The following EPM2A variants were observed in gnomAD, a reference collection of about 807,000 sequenced individuals.
EPM2A encodes the protein laforin.
EPM2A carries 21 observed loss-of-function variants against 26.5 expected under a neutral mutation model. The ratio of observed to expected loss-of-function variants is 0.79; its 90% CI spans 0.56 to 1.14. EPM2A has a LOEUF of 1.14. Among genes scored for constraint, EPM2A ranks in the 50% most tolerant of loss-of-function variants. The pLI is 0.00. For missense variants in EPM2A, 458 were observed against 440.8 expected (o/e 1.04, Z -0.35); for synonymous variants, 217 against 177.6 (o/e 1.22, Z -1.76).
At chr6:145,673,616 A>T (rs1779810277) in intron 2 of EPM2A, among the ~76,000 whole-genome samples, 1 of 152,190 alleles carries the variant, frequency 6.6e-6, no homozygotes, top group African/African-American at 2.4e-5. Flanking sequence ...GCAAACCATG[A>T]GATTCTCTCC....
intron 2 of EPM2A, among the ~76,000 whole-genome samples, chr6:145,541,593 C>A (rs2114794905): frequency 6.6e-6 from 1 of 152,104 alleles, no homozygotes; most frequent in African/African-American, 2.4e-5. Flanking sequence ...GTCAAGAATT[C>A]CTGAATTTTC....
intron 2 of EPM2A, among the ~76,000 whole-genome samples, chr6:145,643,794 T>C (rs1777256925): frequency 6.6e-6 from 1 of 151,974 alleles, no homozygotes; most frequent in African/African-American, 2.4e-5. Context: ...ATTCCTGGGA[T>C]AAAAAGGGAT....
chr6:145,566,291 T>C (rs561448265), intron 2 of EPM2A, among the ~76,000 whole-genome samples: 5 of 152,336 alleles, frequency 3.3e-5, no homozygotes, highest in African/African-American at 1.2e-4. Flanking sequence ...AAGCCTCTTC[T>C]ATCATTAATA....
intron 1 of EPM2A, among the ~76,000 whole-genome samples, chr6:145,724,820 G>A (rs1048692693): frequency 2.0e-5 from 3 of 151,968 alleles, no homozygotes; most frequent in African/African-American, 7.2e-5. Context: ...CCTAGCCACA[G>A]ACCTTATATA....
At chr6:145,514,504 T>A (rs978372438) in intron 2 of EPM2A, among the ~76,000 whole-genome samples, 1 of 152,164 alleles carries the variant, frequency 6.6e-6, no homozygotes, top group East Asian at 1.9e-4. Context: ...TACTAAAAAC[T>A]GTGGATTCAG....
intron 1 of EPM2A, among the ~76,000 whole-genome samples, chr6:145,719,293 T>TA (rs1462670312): frequency 1.3e-5 from 2 of 149,462 alleles, no homozygotes; most frequent in East Asian, 1.9e-4. Context: ...TATGCAGCCA[T>TA]AAAAAATGAT....
intron 2 of EPM2A, among the ~76,000 whole-genome samples, chr6:145,562,069 AT>A (rs1780813054): frequency 6.6e-6 from 1 of 151,682 alleles, no homozygotes; most frequent in South Asian, 2.1e-4. Flanking sequence ...TTTCCAAAAA[AT>A]ATACATTTTT....
chr6:145,413,928 G>C (rs1323865462), intron 4 of EPM2A, among the ~76,000 whole-genome samples: 1 of 152,140 alleles, frequency 6.6e-6, no homozygotes, highest in Non-Finnish European at 1.5e-5. Context: ...CTTGTACTTG[G>C]CCTCTTCCCC....
chr6:145,400,596 CT>C (rs1325697580), intron 4 of EPM2A, among the ~76,000 whole-genome samples: 5 of 151,588 alleles, frequency 3.3e-5, no homozygotes, highest in Non-Finnish European at 5.9e-5. Context: ...TACTGAGTGC[CT>C]TTGTGTCCTC....
intron 2 of EPM2A, among the ~76,000 whole-genome samples, chr6:145,579,607 C>CT (rs1781084962): frequency 6.6e-6 from 1 of 152,024 alleles, no homozygotes; most frequent in Non-Finnish European, 1.5e-5. Flanking sequence ...TTAAAAGTGC[C>CT]TTTTTTATAG....
chr6:145,402,914 A>G (rs1778509979), intron 4 of EPM2A, among the ~76,000 whole-genome samples: 1 of 152,184 alleles, frequency 6.6e-6, no homozygotes, highest in Admixed American at 6.6e-5. Context: ...TTCTAAGGAT[A>G]TGTGCATTTG....
At chr6:145,542,695 T>C (rs759199454) in intron 2 of EPM2A, among the ~76,000 whole-genome samples, 2 of 152,190 alleles carry the variant, frequency 1.3e-5, no homozygotes, top group Non-Finnish European at 2.9e-5. Context: ...CTTTAGTCTA[T>C]GATACTTGGC....
At chr6:145,458,709 TA>T (rs1779293021) in intron 4 of EPM2A, among the ~76,000 whole-genome samples, 1 of 152,094 alleles carries the variant, frequency 6.6e-6, no homozygotes, top group South Asian at 2.1e-4. Flanking sequence ...AGCACCTGTT[TA>T]CATGTATATG....
At position 145,636,903 on chromosome 6, in the gene EPM2A, G is replaced by T. The variant is rs1351514697; in HGVS notation, c.477-1417C>A. On this transcript the variant is annotated intron_variant, in intron 2 of 3. Transcript: ENST00000367519. ...CACACCACTGCACTCCAGCCTGGGC[G>T]ATGGGGCAAGAACCTGTCTGAAAAA... is the stretch of plus-strand genomic sequence containing the variant. The T allele has an allele frequency of 2.7e-5, 4 of 147,058 alleles. No individual in the cohort carries two copies. The East Asian group carries it at 7.9e-4, about 29-fold the overall frequency. 9.1% of individuals were successfully genotyped at this position (147,058 alleles called of 1,614,324 possible).
At chr6:145,394,804 G>A (rs1778383559) in intron 4 of EPM2A, among the ~76,000 whole-genome samples, 1 of 152,092 alleles carries the variant, frequency 6.6e-6, no homozygotes, top group South Asian at 2.1e-4. Context: ...TCATGTGAAA[G>A]GGCCAATCGT....
At chr6:145,650,906 T>C (rs2128578044) in intron 2 of EPM2A, among the ~76,000 whole-genome samples, 1 of 152,332 alleles carries the variant, frequency 6.6e-6, no homozygotes, top group East Asian at 1.9e-4. Context: ...CTTTACAATT[T>C]CTACTTATGC....
chr6:145,644,126 C>T (rs1231823312), intron 2 of EPM2A, among the ~76,000 whole-genome samples: 1 of 152,132 alleles, frequency 6.6e-6, no homozygotes, highest in African/African-American at 2.4e-5. Flanking sequence ...CAGTACAGTT[C>T]ATAATGTTCA....
Position 145,516,802 on chromosome 6 carries a change from T to A in EPM2A, c.341-14227A>T, listed in dbSNP as rs144888800. On this transcript the variant is annotated intron_variant, in intron 2 of 3. Transcript: ENST00000450221. The stretch of plus-strand genomic sequence containing the variant: ...AACCATATGGCATTTTCTTAAAAGG[T>A]TAAAAATAGAACTACCATATAATCC... Among the ~76,000 whole-genome samples the A allele has an allele frequency of 5.8e-4, 89 of 152,208 alleles. 3 individuals are homozygous for A. The East Asian group carries it at 0.014, about 23-fold the overall frequency.
At chr6:145,432,205 T>A (rs1269619294) in intron 4 of EPM2A, among the ~76,000 whole-genome samples, 1 of 152,202 alleles carries the variant, frequency 6.6e-6, no homozygotes, top group Non-Finnish European at 1.5e-5. Context: ...CTCCTGTTAG[T>A]GTTGATATTT....
Sources: gnomAD v4.1 joint callset for allele counts (sites outside exome capture counted in the v4.1 genomes callset) on GRCh38, gnomAD v4.1.1 for gene constraint, MANE v1.5 for transcripts, NCBI Gene and HGNC (gene_info 2026-07-23, HGNC 2026-07-21) for gene names.